The following CSRNP3 variants were observed in gnomAD, a reference collection of about 807,000 sequenced individuals.
CSRNP3 encodes the protein cysteine and serine rich nuclear protein 3.
Under a neutral mutation model 48.0 loss-of-function variants are expected in CSRNP3, and 12 were observed. The ratio of observed to expected loss-of-function variants is 0.25; its 90% CI spans 0.16 to 0.41. CSRNP3 has a LOEUF of 0.41. CSRNP3 is among the 10% of genes least tolerant of loss of function. The pLI, the probability that CSRNP3 is intolerant of heterozygous loss-of-function variation, is 1.00. For synonymous variants in CSRNP3, 263 were observed against 269.7 expected, an observed-to-expected ratio of 0.98 and a Z score of 0.24; for missense variants, 580 against 724.4, an observed-to-expected ratio of 0.80 and a Z score of 2.29.
intron 3 of CSRNP3, among the ~76,000 whole-genome samples, chr2:165,537,281 G>C (rs933552496): frequency 1.3e-5 from 2 of 151,114 alleles, no homozygotes; most frequent in Non-Finnish European, 3.0e-5. Context: ...CTGAATGCCA[G>C]TGGGTTTATG....
intron 1 of CSRNP3, among the ~76,000 whole-genome samples, chr2:165,475,480 G>A (rs1683948403): frequency 6.6e-6 from 1 of 152,168 alleles, no homozygotes; most frequent in South Asian, 2.1e-4. Flanking sequence ...GAGCTTCTTG[G>A]TGTGTGGTCA....
intron 3 of CSRNP3, among the ~76,000 whole-genome samples, chr2:165,589,523 A>G (rs1241400801): frequency 1.3e-5 from 2 of 152,220 alleles, no homozygotes. Context: ...CAGTAATTAT[A>G]TGAATGTTTA....
intron 3 of CSRNP3, among the ~76,000 whole-genome samples, chr2:165,589,187 A>G (rs1685678025): frequency 6.6e-6 from 1 of 152,140 alleles, no homozygotes; most frequent in South Asian, 2.1e-4. Context: ...GTATAAACAA[A>G]TCGGGTATAC....
chr2:165,509,913 A>G (rs962743383), intron 2 of CSRNP3, among the ~76,000 whole-genome samples: 1 of 152,060 alleles, frequency 6.6e-6, no homozygotes, highest in Non-Finnish European at 1.5e-5. Context: ...CTTGTTTTTT[A>G]TTATCCTGAT....
chr2:165,594,703 T>C (rs1032423664), intron 3 of CSRNP3, among the ~76,000 whole-genome samples: 3 of 152,210 alleles, frequency 2.0e-5, no homozygotes, highest in Admixed American at 6.5e-5. Flanking sequence ...AATCAAGGAC[T>C]TCAGGAGACA....
At chr2:165,676,189 A>G (rs555197805) in intron 5 of CSRNP3, 123 bp from the exon 6 acceptor site, 1 of 758,460 alleles carries the variant, frequency 1.3e-6, no homozygotes, top group Non-Finnish European at 2.2e-6. Flanking sequence ...AAAATGATCT[A>G]ACAAACACTT....
intron 4 of CSRNP3, among the ~76,000 whole-genome samples, chr2:165,600,099 A>T: frequency 7.3e-6 from 1 of 136,330 alleles, no homozygotes; most frequent in Non-Finnish European, 1.6e-5. Flanking sequence ...CCACCCCACA[A>T]CAGTCCCCAG....
chr2:165,659,670 T>C (rs1485501766), intron 5 of CSRNP3, among the ~76,000 whole-genome samples: 1 of 152,230 alleles, frequency 6.6e-6, no homozygotes, highest in Non-Finnish European at 1.5e-5. Context: ...TATCAATTGA[T>C]AGGAAATATT....
intron 3 of CSRNP3, among the ~76,000 whole-genome samples, chr2:165,545,505 C>G (rs1480004199): frequency 6.6e-6 from 1 of 152,022 alleles, no homozygotes; most frequent in Non-Finnish European, 1.5e-5. Flanking sequence ...ATACATTGAC[C>G]TTGACAGGGT....
At chr2:165,478,400 A>G (rs914307164) in intron 1 of CSRNP3, among the ~76,000 whole-genome samples, 1 of 152,090 alleles carries the variant, frequency 6.6e-6, no homozygotes, top group African/African-American at 2.4e-5. Flanking sequence ...TCTCTCCCCC[A>G]TGTTGTGCTT....
At chr2:165,500,422 C>CATATATAT (rs1558917846) in intron 2 of CSRNP3, among the ~76,000 whole-genome samples, 63 of 66,636 alleles carry the variant, frequency 9.5e-4, no homozygotes, top group African/African-American at 4.9e-3. Flanking sequence ...TATATATATA[C>CATATATAT]ACACACACAC....
chr2:165,496,215 T>TA lies in CSRNP3; in HGVS notation c.-113+1292dup, dbSNP rs1270836226. Among the ~76,000 whole-genome samples the TA allele has an allele frequency of 9.3e-5, 14 of 151,120 alleles. No homozygotes were observed. The East Asian group carries it at 2.5e-3, about 27-fold the overall frequency. Reference sequence around the variant, plus strand: ...AAGTATTAAAAAAGTGAGGAGGAGATAAAAACACTTGCGAGAAGGGAAAAC... The same window carrying TA: ...AAGTATTAAAAAAGTGAGGAGGAGATAAAAAACACTTGCGAGAAGGGAAAAC... On this transcript the variant is annotated intron_variant, in intron 2 of 6. Coordinates refer to ENST00000651982, the MANE Select transcript of CSRNP3 (RefSeq NM_001172173.2).
At chr2:165,473,783 A>C (rs1472597764) in intron 1 of CSRNP3, among the ~76,000 whole-genome samples, 1 of 152,176 alleles carries the variant, frequency 6.6e-6, no homozygotes, top group Non-Finnish European at 1.5e-5. Flanking sequence ...CTTAGATTTC[A>C]GATATTATAA....
chr2:165,615,866 A>G (rs540317111), intron 4 of CSRNP3, among the ~76,000 whole-genome samples: 12 of 142,214 alleles, frequency 8.4e-5, no homozygotes, highest in African/African-American at 3.2e-4. Context: ...ACATACCACC[A>G]TATCTGGCTA....
chr2:165,599,283 G>GAAAGAAAGAAAGAAAGAA lies in CSRNP3; in HGVS notation c.148+4071_148+4072insAAGAAAGAAAGAAAGAAA, dbSNP rs1553478329. Reference sequence around the variant, plus strand: ...AAAGAAAAAGAAAGAAAGAGAGAGAGAGAAAGAAAGAAAGAAAGAAAGAAA... The same window carrying GAAAGAAAGAAAGAAAGAA: ...AAAGAAAAAGAAAGAAAGAGAGAGAGAAAGAAAGAAAGAAAGAAAGAAAGAAAGAAAGAAAGAAAGAAA... On this transcript the variant is annotated intron_variant, in intron 4 of 6. Coordinates refer to ENST00000651982, the MANE Select transcript of CSRNP3 (RefSeq NM_001172173.2). 1.2e-3 allele frequency among the ~76,000 whole-genome samples: 128 copies of GAAAGAAAGAAAGAAAGAA among 104,834 alleles called. 1 individual carries two copies. The highest frequency in any genetic ancestry group is 3.9e-3 in the African/African-American group (109 of 27,694). 68.8% of individuals were successfully genotyped at this position (104,834 alleles called of 152,430 possible). A position where few individuals can be genotyped will look rare whatever the true frequency, so the allele number is the denominator to read the frequency against.
Position 165,680,970 on chromosome 2 carries a change from T to A in CSRNP3, c.*1217T>A, listed in dbSNP as rs557179680. ...GATTGAAGGGGGGCCTCTACCCAAA[T>A]ACTCAACTAGGCCTTTCTTTTCTGA... On this transcript the variant is annotated 3_prime_UTR_variant, in exon 7 of 7. Coordinates refer to ENST00000651982, the MANE Select transcript of CSRNP3 (RefSeq NM_001172173.2). 1 of 152,186 alleles carries A rather than the reference T, an allele frequency of 6.6e-6. No homozygotes were observed. The highest frequency in any genetic ancestry group is 2.1e-4 in the South Asian group (1 of 4,828). 9.4% of individuals were successfully genotyped at this position (152,186 alleles called of 1,614,324 possible). A position where few individuals can be genotyped will look rare whatever the true frequency, so the allele number is the denominator to read the frequency against.
chr2:165,619,417 G>A (rs1268567911), intron 4 of CSRNP3, among the ~76,000 whole-genome samples: 1 of 152,108 alleles, frequency 6.6e-6, no homozygotes, highest in Non-Finnish European at 1.5e-5. Context: ...TTTTATTAGT[G>A]GTGAGGCTAA....
chr2:165,560,753 A>G (rs1015150150), intron 3 of CSRNP3, among the ~76,000 whole-genome samples: 3 of 152,208 alleles, frequency 2.0e-5, no homozygotes, highest in Non-Finnish European at 2.9e-5. Context: ...CAAAATATCT[A>G]TGTATAATTT....
At chr2:165,632,217 T>C (rs1487113430) in intron 4 of CSRNP3, among the ~76,000 whole-genome samples, 1 of 152,208 alleles carries the variant, frequency 6.6e-6, no homozygotes, top group Non-Finnish European at 1.5e-5. Context: ...GGGCTGTCAT[T>C]GTATTAGGAA....
Sources: gnomAD v4.1 joint callset for allele counts (sites outside exome capture counted in the v4.1 genomes callset) on GRCh38, gnomAD v4.1.1 for gene constraint, MANE v1.5 for transcripts, NCBI Gene and HGNC (gene_info 2026-07-23, HGNC 2026-07-21) for gene names.